The following PRKG1 variants were observed in gnomAD, a reference collection of about 807,000 sequenced individuals.
PRKG1 encodes cGMP-dependent protein kinase 1.
In PRKG1, 35 loss-of-function variants were observed where a neutral mutation model predicts 88.1. The ratio of observed to expected loss-of-function variants is 0.40; its 90% CI spans 0.30 to 0.53. The LOEUF is 0.53. Among genes scored for constraint, PRKG1 ranks in the 20% least tolerant of loss-of-function variants. The probability of loss-of-function intolerance (pLI) is 0.59; values close to 1 mark genes in which losing one functional copy is unlikely to be tolerated. For synonymous variants in PRKG1, 303 were observed against 292.5 expected (o/e 1.04, Z -0.37); for missense variants, 540 against 839.8 (o/e 0.64, Z 4.41).
At chr10:51,383,375 G>A (rs193265000) in intron 2 of PRKG1, among the ~76,000 whole-genome samples, 171 of 152,172 alleles carry the variant, frequency 1.1e-3, no homozygotes, top group African/African-American at 3.4e-3. Context: ...TTAGAAGGCA[G>A]CAAACACTTA....
chr10:51,332,893 C>T (rs1030487960), intron 2 of PRKG1, among the ~76,000 whole-genome samples: 3 of 152,148 alleles, frequency 2.0e-5, no homozygotes, highest in African/African-American at 7.2e-5. Context: ...TAGAGTAGAA[C>T]AGGGATCAGT....
intron 2 of PRKG1, among the ~76,000 whole-genome samples, chr10:51,234,940 G>A (rs1838943870): frequency 1.3e-5 from 2 of 152,054 alleles, no homozygotes; most frequent in Admixed American, 1.3e-4. Flanking sequence ...TTTTACCTAA[G>A]AGTATATACT....
intron 5 of PRKG1, among the ~76,000 whole-genome samples, chr10:51,941,818 G>A (rs1022310460): frequency 4.0e-5 from 6 of 151,816 alleles, no homozygotes; most frequent in Non-Finnish European, 7.4e-5. Flanking sequence ...ATTCCATGGT[G>A]TATATGTGCC....
intron 1 of PRKG1, among the ~76,000 whole-genome samples, chr10:51,024,889 C>T (rs1843186007): frequency 1.3e-5 from 2 of 152,154 alleles, no homozygotes; most frequent in Non-Finnish European, 2.9e-5. Context: ...CAGGCCCCAC[C>T]TCCAACATTG....
intron 5 of PRKG1, among the ~76,000 whole-genome samples, chr10:51,982,391 G>A (rs11000373): frequency 0.11 from 16,645 of 152,214 alleles, 1,227 homozygotes; most frequent in East Asian, 0.32. Context: ...AGACACTCAG[G>A]CTTTCTGAGT....
chr10:51,154,975 C>T (rs985844837), intron 2 of PRKG1, among the ~76,000 whole-genome samples: 4 of 151,926 alleles, frequency 2.6e-5, no homozygotes, highest in Non-Finnish European at 4.4e-5. Context: ...TTAGAAACCA[C>T]GTTTAAAGCA....
chr10:51,975,354 TC>T, intron 5 of PRKG1, among the ~76,000 whole-genome samples: 1 of 151,958 alleles, frequency 6.6e-6, no homozygotes, highest in Non-Finnish European at 1.5e-5. Context: ...ATAAAGGCAA[TC>T]CTTTCCTACC....
chr10:52,226,869 A>G (rs1840401615), intron 9 of PRKG1, among the ~76,000 whole-genome samples: 1 of 152,206 alleles, frequency 6.6e-6, no homozygotes, highest in Non-Finnish European at 1.5e-5. Flanking sequence ...CCTAAGATTT[A>G]TTCCTGAATT....
intron 2 of PRKG1, among the ~76,000 whole-genome samples, chr10:51,252,710 C>A (rs1405356808): frequency 6.6e-6 from 1 of 151,712 alleles, no homozygotes; most frequent in Middle Eastern, 3.2e-3. Context: ...AAATCTAAAT[C>A]CAACCTCTTA....
At chr10:52,178,159 G>A (rs1422182788) in intron 9 of PRKG1, among the ~76,000 whole-genome samples, 2 of 151,758 alleles carry the variant, frequency 1.3e-5, no homozygotes, top group Non-Finnish European at 2.9e-5. Context: ...TCTTAAGAAT[G>A]CTTTGCTGTG....
rs565802545 is a variant in PRKG1, at chr10:51,676,114, A to C, written c.593-128471A>C. On this transcript the variant is annotated intron_variant, in intron 3 of 17. Transcript: ENST00000373980. Reference sequence around the variant, plus strand: ...GTGAGACTTATTTCTATTAAAACAAAAAAAAAAAGAAAAGCAAAAAGACTT... The same window carrying C: ...GTGAGACTTATTTCTATTAAAACAACAAAAAAAAGAAAAGCAAAAAGACTT... Among the ~76,000 whole-genome samples the C allele has an allele frequency of 6.4e-4, 97 of 152,116 alleles. 1 individual carries two copies. Among genetic ancestry groups the C allele is most frequent in the Non-Finnish European group, 1.2e-3 (79 of 67,984 alleles).
intron 5 of PRKG1, among the ~76,000 whole-genome samples, chr10:52,028,372 T>G (rs12763079): frequency 0.15 from 22,233 of 152,158 alleles, 1,935 homozygotes; most frequent in Non-Finnish European, 0.2. Flanking sequence ...GATTTATGTG[T>G]GTGTCCCTCT....
chr10:51,794,424 T>C (rs1452453021), intron 3 of PRKG1, among the ~76,000 whole-genome samples: 1 of 152,112 alleles, frequency 6.6e-6, no homozygotes, highest in Non-Finnish European at 1.5e-5. Context: ...CACGTGGAAC[T>C]CTCTTTAGCA....
chr10:52,266,134 T>C (rs548815084), intron 10 of PRKG1, among the ~76,000 whole-genome samples: 2 of 151,900 alleles, frequency 1.3e-5, no homozygotes, highest in Non-Finnish European at 2.9e-5. Flanking sequence ...ACCCCTATTA[T>C]TGACAACTTA....
chr10:51,045,648 C>G (rs1589121662), intron 1 of PRKG1, among the ~76,000 whole-genome samples: 1 of 152,162 alleles, frequency 6.6e-6, no homozygotes, highest in African/African-American at 2.4e-5. Context: ...TTTTTCCTGT[C>G]CTTGTCCATA....
intron 7 of PRKG1, among the ~76,000 whole-genome samples, chr10:52,118,945 T>A (rs1847751690): frequency 6.6e-6 from 1 of 152,136 alleles, no homozygotes; most frequent in African/African-American, 2.4e-5. Flanking sequence ...AATCTCAATT[T>A]TAATTTTCAT....
chr10:52,063,725 C>T (rs1341211014), intron 7 of PRKG1, among the ~76,000 whole-genome samples: 1 of 152,142 alleles, frequency 6.6e-6, no homozygotes, highest in African/African-American at 2.4e-5. Context: ...AATGTGTGTT[C>T]AGCTCTTAGC....
intron 2 of PRKG1, among the ~76,000 whole-genome samples, chr10:51,369,736 C>G (rs1842662376): frequency 6.6e-6 from 1 of 152,062 alleles, no homozygotes; most frequent in African/African-American, 2.4e-5. Context: ...ACTCTCACCA[C>G]CTTTATTAAA....
chr10:52,019,002 G>T (rs767629835), intron 5 of PRKG1, among the ~76,000 whole-genome samples: 4 of 152,154 alleles, frequency 2.6e-5, no homozygotes, highest in Non-Finnish European at 5.9e-5. Context: ...TATGATTCTG[G>T]ACAGCTGGAG....
Sources: allele counts gnomAD v4.1 joint callset (sites outside exome capture counted in the v4.1 genomes callset), GRCh38; gene constraint gnomAD v4.1.1; transcripts MANE v1.5; gene names NCBI Gene and HGNC (gene_info 2026-07-23, HGNC 2026-07-21).